Variants in SRC observed in about 807,000 individuals in gnomAD.
SRC encodes the protein proto-oncogene tyrosine-protein kinase Src.
SRC carries 13 observed loss-of-function variants against 62.9 expected under a neutral mutation model. The ratio of observed to expected loss-of-function variants is 0.21; its 90% CI spans 0.13 to 0.33. The LOEUF is 0.33. SRC is among the 10% of genes least tolerant of loss of function. SRC has a pLI of 1.00. For synonymous variants in SRC, 302 were observed against 317.5 expected (o/e 0.95, Z 0.52); for missense variants, 457 against 737.3 (o/e 0.62, Z 4.40).
At chr20:37,373,156 A>ATATG (rs2070200735) in intron 2 of SRC, among the ~76,000 whole-genome samples, 2 of 139,656 alleles carry the variant, frequency 1.4e-5, no homozygotes, top group African/African-American at 6.2e-5. Context: ...ATATACACAC[A>ATATG]TACACACATA....
In SRC at chr20:37,384,414, G is replaced by C; in HGVS notation, c.250+11G>C. The C allele has an allele frequency of 2.2e-6, 3 of 1,352,498 alleles. No homozygotes were observed. The highest frequency in any genetic ancestry group is 9.4e-7 in the Non-Finnish European group (1 of 1,060,934). 83.8% of individuals were successfully genotyped at this position (1,352,498 alleles called of 1,614,324 possible). The stretch of plus-strand genomic sequence containing the variant: ...CGGGCCCGCTGGCCGGTCAGTGCGC[G>C]GGCGGCGCGGGGTCCTCGCCCACCT... On this transcript the variant is annotated intron_variant, in intron 4 of 13. Coordinates refer to ENST00000373578, the MANE Select transcript of SRC (RefSeq NM_198291.3). The surrounding 1 kb of genome is among the most constrained non-coding windows in gnomAD (Gnocchi z 6.7).
At chr20:37,388,959 C>T (rs1197882476) in intron 5 of SRC, among the ~76,000 whole-genome samples, 1 of 152,052 alleles carries the variant, frequency 6.6e-6, no homozygotes, top group Non-Finnish European at 1.5e-5. Flanking sequence ...CCTCCCCCAC[C>T]CTGTAAGAGT....
At position 37,400,896 on chromosome 20, in the gene SRC, C is replaced by T. The variant is rs2070726965; in HGVS notation, c.1039+602C>T. 2.0e-5 allele frequency among the ~76,000 whole-genome samples: 3 copies of T among 152,192 alleles called. No homozygotes were observed. In the South Asian group the frequency reaches 6.2e-4, roughly 31 times the overall value. On this transcript the variant is annotated intron_variant, in intron 10 of 13. Transcript: ENST00000373578. ...CTCCAGCCCCAAACCCAAGCACCCACTGATTTGCTTTCTGTCATTATAAAT... is the reference window on the plus strand; with the variant it reads ...CTCCAGCCCCAAACCCAAGCACCCATTGATTTGCTTTCTGTCATTATAAAT...
At chr20:37,382,886 G>T (rs2070386535) in intron 3 of SRC, 100 bp downstream of exon 3, 1 of 152,470 alleles carries the variant, frequency 6.6e-6, no homozygotes, top group African/African-American at 2.4e-5. Context: ...GGGGAAATGG[G>T]AGGCAGAGGG....
intron 2 of SRC, among the ~76,000 whole-genome samples, chr20:37,373,108 A>G (rs1343803208): frequency 1.5e-5 from 2 of 136,810 alleles, no homozygotes; most frequent in African/African-American, 6.9e-5. Context: ...ATACACATAT[A>G]TGTACACACA....
At chr20:37,363,364 G>A (rs1054247613) in intron 1 of SRC, among the ~76,000 whole-genome samples, 3 of 152,218 alleles carry the variant, frequency 2.0e-5, no homozygotes, top group African/African-American at 7.2e-5. Context: ...ACCTCGCTCT[G>A]AACAAGGCCC....
chr20:37,396,392 G>A lies in SRC; in HGVS notation c.703+81G>A. The A allele has an allele frequency of 6.5e-7, 1 of 1,544,702 alleles. No individual in the cohort carries two copies. The highest frequency in any genetic ancestry group is 2.3e-5 in the East Asian group (1 of 44,134). On this transcript the variant is annotated intron_variant, in intron 8 of 13. Transcript: ENST00000373578. This position sits in a 1 kb window ranked among gnomAD's most constrained non-coding sequence, Gnocchi z 6.1. ...TGGGGAGGGGCCTTGGAGCCTAGAA[G>A]GGTGGGGACTTCTGTTATCCTGCTT...
chr20:37,394,193 A>G lies in SRC; in HGVS notation c.469A>G (p.Thr157Ala). ...QAEEWYFGKI[T>A]RRESERLLLN... ...CCCCAGGTGGTATTTTGGCAAGATC[A>G]CCAGACGGGAGTCAGAGCGGTTACT... Residue 157 changes from threonine to alanine, a missense_variant, in exon 7 of 14, where the codon ACC becomes GCC. By Grantham distance (58) the Thr-to-Ala change is moderately conservative. Transcript: ENST00000373578. 6.2e-7 allele frequency: 1 copy of G among 1,614,030 alleles called. No individual in the cohort carries two copies.
intron 1 of SRC, among the ~76,000 whole-genome samples, chr20:37,355,766 G>T (rs1056737977): frequency 1.3e-5 from 2 of 152,222 alleles, no homozygotes; most frequent in African/African-American, 2.4e-5. Context: ...AAAAAAAGAA[G>T]GGTGAGGGTG....
chr20:37,391,921 T>C (rs1328186273), intron 5 of SRC, among the ~76,000 whole-genome samples: 2 of 152,168 alleles, frequency 1.3e-5, no homozygotes, highest in Admixed American at 6.5e-5. Flanking sequence ...CCTGCGCTGA[T>C]CGCTTGACAT....
rs1053982607 is a variant in SRC at position 37,397,667 on chromosome 20, C to T, written c.704-32C>T. 6.5e-7 allele frequency: 1 copy of T among 1,530,806 alleles called. No individual in the cohort carries two copies. The highest frequency in any genetic ancestry group is 8.8e-7 in the Non-Finnish European group (1 of 1,136,352). The allele number at this position is 1,530,806 out of a possible 1,614,324, so 94.8% of individuals were successfully genotyped here. On this transcript the variant is annotated intron_variant, in intron 8 of 13. Coordinates refer to ENST00000373578, the MANE Select transcript of SRC (RefSeq NM_198291.3). This position sits in a 1 kb window ranked among gnomAD's most constrained non-coding sequence, Gnocchi z 4.1. ...GCAGGGAGGCCCCAGGGCAGAAGAC[C>T]CGCCTAACTGCTCCTCCTGCCTCCT... is the stretch of plus-strand genomic sequence containing the variant.
At position 37,384,106 on chromosome 20, in the gene SRC, C is replaced by G; in HGVS notation, c.-4-44C>G. On this transcript the variant is annotated intron_variant, in intron 3 of 13. Transcript: ENST00000373578. This position sits in a 1 kb window ranked among gnomAD's most constrained non-coding sequence, Gnocchi z 6.7. Reference sequence around the variant, plus strand: ...TGGGAGGGAGGCCGGCCAAGGGGCCCCGGCAGCCCTGCCTGTTCCAGTGTC... The same window carrying G: ...TGGGAGGGAGGCCGGCCAAGGGGCCGCGGCAGCCCTGCCTGTTCCAGTGTC... 2 of 1,587,276 alleles carry G rather than the reference C, an allele frequency of 1.3e-6. No individual in the cohort carries two copies. The highest frequency in any genetic ancestry group is 1.7e-6 in the Non-Finnish European group (2 of 1,172,094).
At chr20:37,345,187 T>G (rs2069700276), upstream of SRC, among the ~76,000 whole-genome samples, 1 of 152,174 alleles carries the variant, frequency 6.6e-6, no homozygotes. Flanking sequence ...TATTTAAAGC[T>G]GGACCCAGGC....
rs78721123 is a variant in SRC at position 37,389,538 on chromosome 20, G to A, written c.350+3364G>A. 6.5e-3 allele frequency among the ~76,000 whole-genome samples: 991 copies of A among 152,268 alleles called. 13 individuals are homozygous for A. The highest frequency in any genetic ancestry group is 0.023 in the African/African-American group (943 of 41,542). ...CATGTGCTCCAGGTCTTGGGGCTTG[G>A]CAATTGACCTCCTGGCCACTGCCCA... On this transcript the variant is annotated intron_variant, in intron 5 of 13. Transcript: ENST00000373578.
In SRC at chr20:37,404,825, C is replaced by G. The variant is rs1444408960; in HGVS notation, c.*1446C>G. Reference sequence around the variant, plus strand: ...GGATTCTCCCTGGGCCTCAGTGTGCCCATCTGTAAAGGGGCAGCTGACAGT... The same window carrying G: ...GGATTCTCCCTGGGCCTCAGTGTGCGCATCTGTAAAGGGGCAGCTGACAGT... On this transcript the variant is annotated 3_prime_UTR_variant, in exon 14 of 14. Transcript: ENST00000373578. 1 of 233,548 alleles carries G rather than the reference C, an allele frequency of 4.3e-6. No homozygotes were observed. The highest frequency in any genetic ancestry group is 5.6e-5 in the Admixed American group (1 of 17,782). The allele number at this position is 233,548 out of a possible 1,614,324, so 14.5% of individuals were successfully genotyped here. A position where few individuals can be genotyped will look rare whatever the true frequency, so the allele number is the denominator to read the frequency against.
chr20:37,348,013 C>T (rs181574886), intron 1 of SRC, among the ~76,000 whole-genome samples: 3 of 152,274 alleles, frequency 2.0e-5, no homozygotes, highest in Non-Finnish European at 4.4e-5. Context: ...GGTCTTTCCA[C>T]CCAAGGAAAT....
At chr20:37,371,663 T>G (rs115252929) in intron 2 of SRC, among the ~76,000 whole-genome samples, 3,598 of 152,196 alleles carry the variant, frequency 0.024, 119 homozygotes, top group African/African-American at 0.078. Context: ...AGGTAGAAGT[T>G]TAGGTTATTG....
At chr20:37,366,945 C>T (rs2070071754) in intron 2 of SRC, among the ~76,000 whole-genome samples, 1 of 152,082 alleles carries the variant, frequency 6.6e-6, no homozygotes, top group African/African-American at 2.4e-5. Flanking sequence ...GAGGAACTGC[C>T]AGACTGTTTT....
At chr20:37,368,544 G>GTT (rs1463098892) in intron 2 of SRC, among the ~76,000 whole-genome samples, 13 of 73,966 alleles carry the variant, frequency 1.8e-4, no homozygotes, top group Non-Finnish European at 2.4e-4. Flanking sequence ...TTTTTTTTTT[G>GTT]TTTTTTTTTT....
Sources: gnomAD v4.1 joint callset for allele counts (sites outside exome capture counted in the v4.1 genomes callset) on GRCh38, gnomAD v4.1.1 for gene constraint, Gnocchi (gnomAD v3.1) non-coding constraint, MANE v1.5 for transcripts, NCBI Gene and HGNC (gene_info 2026-07-23, HGNC 2026-07-21) for gene names.